The following MOAP1 variants were observed in gnomAD, a reference collection of about 807,000 sequenced individuals.
The protein encoded by MOAP1 is MAP1.
For missense variants in MOAP1, 385 were observed against 418.6 expected (o/e 0.92, Z 0.70); for synonymous variants, 150 against 161.0 (o/e 0.93, Z 0.52).
Position 93,183,194 on chromosome 14 carries a change from AAATT to A in MOAP1, c.1045_1048del (p.Asn349SerfsTer15). On this transcript the variant is annotated frameshift_variant, in exon 3 of 3. Transcript: ENST00000298894. LOFTEE classifies it high-confidence loss of function. ...TTCGTGGTTCCCTGAGACTCAGGTGAAATTACCTTCCAATATTGCCTGGAGAAGG... is the reference window on the plus strand; with the variant it reads ...TTCGTGGTTCCCTGAGACTCAGGTGAACCTTCCAATATTGCCTGGAGAAGG... The A allele has an allele frequency of 6.2e-7, 1 of 1,601,342 alleles. No homozygotes were observed. Among genetic ancestry groups the A allele is most frequent in the Non-Finnish European group, 8.5e-7 (1 of 1,173,662 alleles).
rs1213573302 is a variant in MOAP1, at chr14:93,183,971, A to C, written c.272T>G (p.Val91Gly). 4 of 1,613,790 alleles carry C rather than the reference A, an allele frequency of 2.5e-6. No individual in the cohort carries two copies. In the African/African-American group the frequency reaches 5.3e-5, roughly 22 times the overall value. Residue 91 changes from valine (V) to glycine (G), a missense_variant, in exon 3 of 3, where the codon GTG (valine) becomes GGG (glycine). Physicochemically the swap from Val to Gly is moderately radical, Grantham distance 109 (BLOSUM62 -3). Coordinates refer to ENST00000298894, the MANE Select transcript of MOAP1 (RefSeq NM_022151.5). The stretch of plus-strand genomic sequence containing the variant: ...ATCTGGGTCAGGGGGCTTAAAGATC[A>C]CTCTCCAGATACCCCCTTTTCCCGG... ...EIPGKGGIWR[V>G]IFKPPDPDNT...
chr14:93,183,783 G>GT lies in MOAP1; in HGVS notation c.459_460insA (p.Gln154ThrfsTer10). On this transcript the variant is annotated frameshift_variant, in exon 3 of 3. Coordinates refer to ENST00000298894, the MANE Select transcript of MOAP1 (RefSeq NM_022151.5). LOFTEE classifies it low-confidence loss of function (END_TRUNC). ...TACTTCAAGCATTGCAGGGCAGGCT[G>GT]AAGAGCCTCTAATGCCTGTGCCAAC... is the stretch of plus-strand genomic sequence containing the variant. 6.2e-7 allele frequency: 1 copy of GT among 1,614,090 alleles called. No individual in the cohort carries two copies. The highest frequency in any genetic ancestry group is 8.5e-7 in the Non-Finnish European group (1 of 1,180,010).
At position 93,183,694 on chromosome 14, in the gene MOAP1, G is replaced by A. The variant is rs1353821799; in HGVS notation, c.549C>T (p.Arg183=). The change falls in exon 3 of 3, where the codon CGC becomes CGT. Residue 183 remains arginine (R), a synonymous_variant. Coordinates refer to ENST00000298894, the MANE Select transcript of MOAP1 (RefSeq NM_022151.5). ...TCATCTGAGTAGTATGAAACATCCA[G>A]CGTCCAAATTCTTCTTCTCCTGGTT... is the stretch of plus-strand genomic sequence containing the variant. The part of the protein sequence containing the change: ...SPEPGEEEFG[R]WMFHTTQMIK... 1 of 1,614,122 alleles carries A rather than the reference G, an allele frequency of 6.2e-7. No individual in the cohort carries two copies. Among genetic ancestry groups the A allele is most frequent in the Admixed American group, 1.7e-5 (1 of 60,000 alleles).
At position 93,184,225 on chromosome 14, in the gene MOAP1, TA is replaced by T. The variant is rs753381806; in HGVS notation, c.17del (p.Leu6Ter). On this transcript the variant is annotated frameshift_variant, in exon 3 of 3. Transcript: ENST00000298894. LOFTEE classifies it low-confidence loss of function (END_TRUNC). The surrounding 1 kb of genome is among the most constrained non-coding windows in gnomAD (Gnocchi z 4.2). The stretch of plus-strand genomic sequence containing the variant: ...TGTCCATCCCCCTGCACCAGTCTTC[TA>T]AAAGCCTCAAAGTCATGGTGCCCGA... MTLRL[L>X]EDWCRGMDMN... 2.5e-6 allele frequency: 4 copies of T among 1,596,366 alleles called. No homozygotes were observed. Among genetic ancestry groups the T allele is most frequent in the Admixed American group, 1.8e-5 (1 of 55,796 alleles).
rs1893988814 is a variant in MOAP1 at position 93,184,213 on chromosome 14, G to A, written c.30C>T (p.Cys10=). ...TCCGAGGGTTCATGTCCATCCCCCT[G>A]CACCAGTCTTCTAAAAGCCTCAAAG... MTLRLLEDW[C]RGMDMNPRKA... Residue 10 remains cysteine, a synonymous_variant, in exon 3 of 3, where the codon TGC becomes TGT. Coordinates refer to ENST00000298894, the MANE Select transcript of MOAP1 (RefSeq NM_022151.5). The surrounding 1 kb of genome is among the most constrained non-coding windows in gnomAD (Gnocchi z 4.2). 1.2e-6 allele frequency: 2 copies of A among 1,603,072 alleles called. No homozygotes were observed. Among genetic ancestry groups the A allele is most frequent in the Admixed American group, 3.5e-5 (2 of 57,056 alleles).
In MOAP1 at chr14:93,184,515, G is replaced by C. The variant is rs1893994184; in HGVS notation, c.-121+44C>G. On this transcript the variant is annotated intron_variant, in intron 2 of 2. Coordinates refer to ENST00000298894, the MANE Select transcript of MOAP1 (RefSeq NM_022151.5). The surrounding 1 kb of genome is among the most constrained non-coding windows in gnomAD (Gnocchi z 4.2). Reference sequence around the variant, plus strand: ...ACCCCTCCCAGCCCTGGTGCCTGGCGGATGTCGGGCCTGCAGGGCCGCGTC... The same window carrying C: ...ACCCCTCCCAGCCCTGGTGCCTGGCCGATGTCGGGCCTGCAGGGCCGCGTC... 6.5e-6 allele frequency: 1 copy of C among 153,552 alleles called. No individual in the cohort carries two copies. Among genetic ancestry groups the C allele is most frequent in the African/African-American group, 2.4e-5 (1 of 41,504 alleles). 9.5% of individuals were successfully genotyped at this position (153,552 alleles called of 1,614,324 possible). A position where few individuals can be genotyped will look rare whatever the true frequency, so the allele number is the denominator to read the frequency against.
At position 93,182,916 on chromosome 14, in the gene MOAP1, C is replaced by G; in HGVS notation, c.*271G>C. On this transcript the variant is annotated 3_prime_UTR_variant, in exon 3 of 3. Coordinates refer to ENST00000298894, the MANE Select transcript of MOAP1 (RefSeq NM_022151.5). ...CTGCACTCCAGCCTGGGTGACAGAG[C>G]GAGACTCTGTCTCAACAACAACAAC... 2.4e-6 allele frequency: 1 copy of G among 425,456 alleles called. No homozygotes were observed. The highest frequency in any genetic ancestry group is 4.1e-6 in the Non-Finnish European group (1 of 243,870). 26.4% of individuals were successfully genotyped at this position (425,456 alleles called of 1,614,324 possible). A position where few individuals can be genotyped will look rare whatever the true frequency, so the allele number is the denominator to read the frequency against.
In MOAP1 at chr14:93,183,797, G is replaced by A. The variant is rs1349406348; in HGVS notation, c.446C>T (p.Ala149Val). The A allele has an allele frequency of 6.2e-7, 1 of 1,614,016 alleles. No homozygotes were observed. The highest frequency in any genetic ancestry group is 1.7e-5 in the Admixed American group (1 of 60,006). Residue 149 changes from alanine to valine, a missense_variant, in exon 3 of 3, where the codon GCA becomes GTA. Ala to Val is a moderately conservative substitution (Grantham distance 64, BLOSUM62 0). Transcript: ENST00000298894. ...PEMWAPMLAQ[A>V]LEALQPALQC... is the part of the protein sequence containing the mutation. ...CAGGGCAGGCTGAAGAGCCTCTAAT[G>A]CCTGTGCCAACATAGGGGCCCACAT...
In MOAP1 at chr14:93,183,221, AG is replaced by A. The variant is rs779474925; in HGVS notation, c.1021del (p.Leu341PhefsTer24). 1.8e-5 allele frequency: 29 copies of A among 1,609,998 alleles called. No homozygotes were observed. In the African/African-American group the frequency reaches 3.6e-4, roughly 20 times the overall value. The stretch of plus-strand genomic sequence containing the variant: ...ATTACCTTCCAATATTGCCTGGAGA[AG>A]GGCCTCCTCCTCCTCAGCTGCCTCA... ...DYEAAEEEEA[L>X]LQAILEGNFT On this transcript the variant is annotated frameshift_variant, in exon 3 of 3. Coordinates refer to ENST00000298894, the MANE Select transcript of MOAP1 (RefSeq NM_022151.5). LOFTEE classifies it high-confidence loss of function.
In MOAP1 at chr14:93,183,740, AAC is replaced by A. The variant is rs1566812482; in HGVS notation, c.501_502del (p.Phe168LeufsTer48). The A allele has an allele frequency of 6.2e-7, 1 of 1,613,982 alleles. No individual in the cohort carries two copies. The highest frequency in any genetic ancestry group is 1.3e-5 in the African/African-American group (1 of 74,982). Reference sequence around the variant, plus strand: ...TGGTTCTGGAGACTCCCTGCCCGAGAACACTCTCAGCTTTTTATACTTCAAGC... The same window carrying A: ...TGGTTCTGGAGACTCCCTGCCCGAGAACTCTCAGCTTTTTATACTTCAAGC... On this transcript the variant is annotated frameshift_variant, in exon 3 of 3. Coordinates refer to ENST00000298894, the MANE Select transcript of MOAP1 (RefSeq NM_022151.5). LOFTEE classifies it low-confidence loss of function (END_TRUNC).
At position 93,182,426 on chromosome 14, in the gene MOAP1, C is replaced by T. The variant is rs1893951014; in HGVS notation, c.*761G>A. ...GAAAATAACTTAATATCTTAACCTC[C>T]GCTCAGGATCTTCATCATAAATGTA... is the stretch of plus-strand genomic sequence containing the variant. On this transcript the variant is annotated 3_prime_UTR_variant, in exon 3 of 3. Transcript: ENST00000298894. The T allele has an allele frequency of 6.6e-6, 1 of 152,540 alleles. No individual in the cohort carries two copies. The highest frequency in any genetic ancestry group is 6.6e-5 in the Admixed American group (1 of 15,266). 9.4% of individuals were successfully genotyped at this position (152,540 alleles called of 1,614,324 possible).
chr14:93,184,193 G>A lies in MOAP1; in HGVS notation c.50C>T (p.Pro17Leu). Residue 17 changes from proline to leucine, a missense_variant, in exon 3 of 3, where the codon CCT (proline) becomes CTT (leucine). Transcript: ENST00000298894. This position sits in a 1 kb window ranked among gnomAD's most constrained non-coding sequence, Gnocchi z 4.2. ...EDWCRGMDMN[P>L]RKALLIAGIS... ...GCCGGCAATCAATAGCGCTTTCCGA[G>A]GGTTCATGTCCATCCCCCTGCACCA... 1.2e-6 allele frequency: 2 copies of A among 1,613,010 alleles called. No homozygotes were observed. Among genetic ancestry groups the A allele is most frequent in the South Asian group, 1.1e-5 (1 of 90,912 alleles).
chr14:93,182,871 A>G lies in MOAP1; in HGVS notation c.*316T>C. On this transcript the variant is annotated 3_prime_UTR_variant, in exon 3 of 3. Coordinates refer to ENST00000298894, the MANE Select transcript of MOAP1 (RefSeq NM_022151.5). ...CTTAAACCTGGAAGGCGGAGGATGCAGTGAGCCAAGATCACGCCACTGCAC... is the reference window on the plus strand; with the variant it reads ...CTTAAACCTGGAAGGCGGAGGATGCGGTGAGCCAAGATCACGCCACTGCAC... The G allele has an allele frequency of 3.5e-6, 1 of 282,626 alleles. No homozygotes were observed. The allele number at this position is 282,626 out of a possible 1,614,324, so 17.5% of individuals were successfully genotyped here.
chr14:93,183,009 T>G lies in MOAP1; in HGVS notation c.*178A>C. ...GTAGAACTACATCCTTCCTAGTCAA[T>G]TACACCTTTAGGAGACTTTAAATAG... On this transcript the variant is annotated 3_prime_UTR_variant, in exon 3 of 3. Transcript: ENST00000298894. The G allele has an allele frequency of 1.3e-6, 1 of 766,712 alleles. No individual in the cohort carries two copies. The allele number at this position is 766,712 out of a possible 1,614,324, so 47.5% of individuals were successfully genotyped here.
At position 93,184,087 on chromosome 14, in the gene MOAP1, A is replaced by T. The variant is rs370134106; in HGVS notation, c.156T>A (p.Leu52=). The T allele has an allele frequency of 1.1e-4, 180 of 1,613,868 alleles. No homozygotes were observed. The highest frequency in any genetic ancestry group is 1.5e-4 in the Non-Finnish European group (178 of 1,179,996). Residue 52 remains leucine, a synonymous_variant, in exon 3 of 3, where the codon CTT becomes CTA. Coordinates refer to ENST00000298894, the MANE Select transcript of MOAP1 (RefSeq NM_022151.5). The surrounding 1 kb of genome is among the most constrained non-coding windows in gnomAD (Gnocchi z 4.2). ...GLAPLGEYRL[L]GRMFRRDENR... ...TCTCATCCCTCCTGAACATCCTTCC[A>T]AGCAGTCTGTACTCCCCCAAGGGAG... is the stretch of plus-strand genomic sequence containing the variant.
Position 93,183,831 on chromosome 14 carries a change from T to A in MOAP1, c.412A>T (p.Ile138Phe). 1 of 1,614,032 alleles carries A rather than the reference T, an allele frequency of 6.2e-7. No individual in the cohort carries two copies. The highest frequency in any genetic ancestry group is 8.5e-7 in the Non-Finnish European group (1 of 1,180,000). ...NGSLDPEQGM[I>F]PEMWAPMLAQ... ...AACATAGGGGCCCACATTTCCGGGA[T>A]CATGCCCTGCTCTGGGTCTAAGGAG... The change falls in exon 3 of 3, where the codon ATC (isoleucine) becomes TTC (phenylalanine). Residue 138 changes from isoleucine (I) to phenylalanine (F), a missense_variant. Ile to Phe is a conservative substitution (Grantham distance 21, BLOSUM62 0). Transcript: ENST00000298894.
chr14:93,183,518 C>T lies in MOAP1; in HGVS notation c.725G>A (p.Gly242Glu). ...CAACTCCCTAGGATTATCTGTAACC[C>T]CAAATACCTCCTCAAGAGCCTGCAG... The part of the protein sequence containing the change: ...ECLQALEEVF[G>E]VTDNPRELQV... The change falls in exon 3 of 3, where the codon GGG becomes GAG. Residue 242 changes from glycine (G) to glutamate (E), a missense_variant. Coordinates refer to ENST00000298894, the MANE Select transcript of MOAP1 (RefSeq NM_022151.5). 1.2e-6 allele frequency: 2 copies of T among 1,614,160 alleles called. No homozygotes were observed. The highest frequency in any genetic ancestry group is 1.7e-6 in the Non-Finnish European group (2 of 1,180,034).
rs1893962190 is a variant in MOAP1, at chr14:93,183,141, C to T, written c.*46G>A. 6.5e-7 allele frequency: 1 copy of T among 1,546,694 alleles called. No homozygotes were observed. The highest frequency in any genetic ancestry group is 8.7e-7 in the Non-Finnish European group (1 of 1,149,738). ...CACAAGAGTATATAGACTGTTCTAC[C>T]TTCATGCTCTACTCATTGCCATATC... On this transcript the variant is annotated 3_prime_UTR_variant, in exon 3 of 3. Coordinates refer to ENST00000298894, the MANE Select transcript of MOAP1 (RefSeq NM_022151.5).
rs1212860008 is a variant in MOAP1 at position 93,184,723 on chromosome 14, G to C, written c.-275-10C>G. ...GTGCCTGTGGTACTGTCTGCAACGAGAAGTGATGGGGCGATGACAGTCGCG... is the reference window on the plus strand; with the variant it reads ...GTGCCTGTGGTACTGTCTGCAACGACAAGTGATGGGGCGATGACAGTCGCG... On this transcript the variant is annotated splice_polypyrimidine_tract_variant and intron_variant, in intron 1 of 2. Transcript: ENST00000298894. The surrounding 1 kb of genome is among the most constrained non-coding windows in gnomAD (Gnocchi z 4.2). 1 of 152,546 alleles carries C rather than the reference G, an allele frequency of 6.6e-6. No homozygotes were observed. Among genetic ancestry groups the C allele is most frequent in the African/African-American group, 2.4e-5 (1 of 41,462 alleles). 9.4% of individuals were successfully genotyped at this position (152,546 alleles called of 1,614,324 possible).
Sources: allele counts gnomAD v4.1 joint callset, GRCh38; gene constraint gnomAD v4.1.1; non-coding constraint Gnocchi (gnomAD v3.1); transcripts MANE v1.5; gene names NCBI Gene and HGNC (gene_info 2026-07-23, HGNC 2026-07-21).